The following EXPH5 variants were observed in gnomAD, a reference collection of about 807,000 sequenced individuals.
The protein encoded by EXPH5 is exophilin-5.
In EXPH5, 42 loss-of-function variants were observed where a neutral mutation model predicts 41.1. That is an observed-to-expected ratio of 1.02 (90% CI 0.80 to 1.32). EXPH5 has a LOEUF of 1.32. Among genes scored for constraint, EXPH5 ranks in the 40% most tolerant of loss-of-function variants. The pLI, the probability that EXPH5 is intolerant of heterozygous loss-of-function variation, is 0.00. For synonymous variants in EXPH5, 798 were observed against 833.5 expected (o/e 0.96, Z 0.73); for missense variants, 2,298 against 2,314.5 (o/e 0.99, Z 0.15).
At chr11:108,550,533 C>T (rs1366164152) in intron 1 of EXPH5, among the ~76,000 whole-genome samples, 1 of 152,170 alleles carries the variant, frequency 6.6e-6, no homozygotes, top group Non-Finnish European at 1.5e-5. Context: ...AATCCCATCA[C>T]TTTGGGAGAC....
intron 1 of EXPH5, among the ~76,000 whole-genome samples, chr11:108,552,842 G>A (rs1292120051): frequency 6.6e-6 from 1 of 152,154 alleles, no homozygotes; most frequent in Non-Finnish European, 1.5e-5. Flanking sequence ...TCTGAGCTCA[G>A]GAGGTCAAGG....
intron 1 of EXPH5, among the ~76,000 whole-genome samples, chr11:108,565,363 A>G (rs1935775042): frequency 6.6e-6 from 1 of 152,208 alleles, no homozygotes; most frequent in Admixed American, 6.5e-5. Flanking sequence ...TTCACAGGCT[A>G]GTCTATTTCA....
chr11:108,577,229 A>G (rs1288845304), intron 1 of EXPH5, among the ~76,000 whole-genome samples: 1 of 152,038 alleles, frequency 6.6e-6, no homozygotes, highest in Non-Finnish European at 1.5e-5. Flanking sequence ...TTTTTGATAC[A>G]CTGATTTCCT....
upstream of EXPH5, among the ~76,000 whole-genome samples, chr11:108,598,137 C>T (rs190702066): frequency 9.9e-5 from 15 of 152,190 alleles, no homozygotes; most frequent in South Asian, 2.1e-4. Context: ...GAGACTGACC[C>T]GCATGATGAG....
chr11:108,546,096 A>G (rs2093937010), intron 1 of EXPH5, among the ~76,000 whole-genome samples: 1 of 151,952 alleles, frequency 6.6e-6, no homozygotes, highest in South Asian at 2.1e-4. Context: ...CTGTAGAGCA[A>G]CAAGTGCCCC....
intron 4 of EXPH5, among the ~76,000 whole-genome samples, chr11:108,527,442 T>C (rs555968566): frequency 6.6e-6 from 1 of 152,152 alleles, no homozygotes. Context: ...GACCCAGTAC[T>C]AAGGCTTCGA....
At chr11:108,535,383 T>A (rs1249131946) in intron 3 of EXPH5, among the ~76,000 whole-genome samples, 1 of 152,152 alleles carries the variant, frequency 6.6e-6, no homozygotes, top group Non-Finnish European at 1.5e-5. Context: ...CAATGCTGCC[T>A]TTTATCTGTG....
At chr11:108,602,606 G>A in the EXPH5 span, among the ~76,000 whole-genome samples, 10 of 151,674 alleles carry the variant, frequency 6.6e-5, no homozygotes, top group Non-Finnish European at 1.5e-4. Flanking sequence ...GAGTACAGTG[G>A]CCAGATCACA....
intron 1 of EXPH5, among the ~76,000 whole-genome samples, chr11:108,571,574 C>T (rs2094060278): frequency 6.6e-6 from 1 of 152,112 alleles, no homozygotes; most frequent in African/African-American, 2.4e-5. Context: ...TTTGGGCAAA[C>T]AGAGCTCTCA....
At chr11:108,549,159 T>C (rs1217111768) in intron 1 of EXPH5, among the ~76,000 whole-genome samples, 4 of 152,252 alleles carry the variant, frequency 2.6e-5, no homozygotes, top group African/African-American at 9.6e-5. Context: ...TAGTCCAGCT[T>C]GACTCAACAT....
the EXPH5 span, among the ~76,000 whole-genome samples, chr11:108,604,119 C>T: frequency 3.6e-4 from 54 of 149,692 alleles, no homozygotes; most frequent in African/African-American, 1.2e-3. Context: ...CTGAATAGGC[C>T]GGGTGCAGAG....
intron 1 of EXPH5, among the ~76,000 whole-genome samples, chr11:108,589,642 G>A (rs941219928): frequency 2.6e-5 from 4 of 152,144 alleles, no homozygotes; most frequent in African/African-American, 9.7e-5. Context: ...TATCTCTGAC[G>A]TTTATGAGCT....
chr11:108,539,222 A>C (rs769733798), intron 2 of EXPH5, 36 bp from the exon 3 acceptor site: 2 of 1,412,638 alleles, frequency 1.4e-6, no homozygotes, highest in Non-Finnish European at 9.8e-7. Flanking sequence ...TGCATCAATT[A>C]CTTCCAAGTA....
intron 3 of EXPH5, among the ~76,000 whole-genome samples, chr11:108,534,159 G>C (rs906310443): frequency 2.6e-5 from 4 of 152,148 alleles, no homozygotes; most frequent in Non-Finnish European, 4.4e-5. Flanking sequence ...GAAAACCATT[G>C]AGGTACAGTA....
intron 1 of EXPH5, among the ~76,000 whole-genome samples, chr11:108,574,188 C>G (rs1219894853): frequency 1.3e-5 from 2 of 151,820 alleles, no homozygotes; most frequent in African/African-American, 4.8e-5. Flanking sequence ...AGATTACAGG[C>G]GTGAGCCACC....
rs1487535931 is a variant in EXPH5 at position 108,506,261 on chromosome 11, A to G, written c.*3276T>C. ...TGCAGCGACTTGTATGTTAAAATAC[A>G]TAGAAATTTGCTATACTTCTTTAAC... is the stretch of plus-strand genomic sequence containing the variant. On this transcript the variant is annotated 3_prime_UTR_variant, in exon 6 of 6. Coordinates refer to ENST00000265843, the MANE Select transcript of EXPH5 (RefSeq NM_015065.3). The G allele has an allele frequency of 1.3e-5, 2 of 152,258 alleles. No individual in the cohort carries two copies. The highest frequency in any genetic ancestry group is 2.9e-5 in the Non-Finnish European group (2 of 68,054). 9.4% of individuals were successfully genotyped at this position (152,258 alleles called of 1,614,324 possible). A position where few individuals can be genotyped will look rare whatever the true frequency, so the allele number is the denominator to read the frequency against.
chr11:108,549,407 T>A (rs1223086418), intron 1 of EXPH5, among the ~76,000 whole-genome samples: 3 of 152,176 alleles, frequency 2.0e-5, no homozygotes, highest in Non-Finnish European at 4.4e-5. Context: ...AACTTATTTT[T>A]CCTTTATTTC....
chr11:108,555,010 C>T (rs923867781), intron 1 of EXPH5, among the ~76,000 whole-genome samples: 20 of 152,196 alleles, frequency 1.3e-4, no homozygotes, highest in Non-Finnish European at 2.5e-4. Flanking sequence ...ATTTGGCAAA[C>T]GCCCAACAGA....
At chr11:108,534,250 T>G (rs545350872) in intron 3 of EXPH5, among the ~76,000 whole-genome samples, 12 of 152,336 alleles carry the variant, frequency 7.9e-5, no homozygotes, top group Non-Finnish European at 1.5e-4. Context: ...CATGGAAATA[T>G]GCCAAAGGGT....
Sources: gnomAD v4.1 joint callset for allele counts (sites outside exome capture counted in the v4.1 genomes callset) on GRCh38, gnomAD v4.1.1 for gene constraint, MANE v1.5 for transcripts, NCBI Gene and HGNC (gene_info 2026-07-23, HGNC 2026-07-21) for gene names.